The following DMD variants were observed in gnomAD, a reference collection of about 807,000 sequenced individuals.
DMD encodes the protein mutant dystrophin.
In DMD, 63 loss-of-function variants were observed where a neutral mutation model predicts 330.1. The observed-to-expected ratio is 0.19, with a 90% CI of 0.16 to 0.24. DMD has a LOEUF of 0.24. Ranked by LOEUF, DMD falls within the 10% of genes least tolerant of loss-of-function variation. The pLI is 1.00. For synonymous variants in DMD, 1,223 were observed against 959.8 expected (o/e 1.27, Z -5.07); for missense variants, 3,344 against 2,684.1 (o/e 1.25, Z -5.43).
intron 55 of DMD, among the ~76,000 whole-genome samples, chrX:31,603,813 G>A (rs2077483736): frequency 9.0e-6 from 1 of 111,716 alleles, no homozygotes; most frequent in South Asian, 3.7e-4. Flanking sequence ...CATATCTACA[G>A]GTTCCCTCCT....
chrX:33,083,439 G>A (rs1252462648), intron 1 of DMD, among the ~76,000 whole-genome samples: 1 of 111,626 alleles, frequency 9.0e-6, no homozygotes, highest in Non-Finnish European at 1.9e-5. Flanking sequence ...ACCAGGTGGG[G>A]ACGGATGACC....
intron 7 of DMD, among the ~76,000 whole-genome samples, chrX:32,722,523 G>A (rs1434335655): frequency 9.1e-6 from 1 of 110,061 alleles, no homozygotes; most frequent in African/African-American, 3.3e-5. Context: ...GGATACCAAG[G>A]GACAGCTATA....
chrX:33,272,947 G>A (rs1408263333), intron 1 of DMD, among the ~76,000 whole-genome samples: 3 of 111,840 alleles, frequency 2.7e-5, no homozygotes, highest in Admixed American at 1.9e-4. Flanking sequence ...CACCATGAGG[G>A]TAAAAATAGT....
intron 47 of DMD, among the ~76,000 whole-genome samples, chrX:31,908,606 T>C (rs1037161472): frequency 4.4e-4 from 48 of 109,107 alleles, no homozygotes; most frequent in Non-Finnish European, 3.6e-4. Context: ...TTAGGAGAAA[T>C]AGCTAATGTA....
chrX:32,801,160 A>T (rs1825296303), intron 7 of DMD, among the ~76,000 whole-genome samples: 1 of 111,113 alleles, frequency 9.0e-6, no homozygotes, highest in South Asian at 3.8e-4. Context: ...AATCATTCCT[A>T]TTTCTCCATA....
chrX:33,226,476 C>T (rs1203769896), intron 1 of DMD, among the ~76,000 whole-genome samples: 1 of 111,448 alleles, frequency 9.0e-6, no homozygotes, highest in Non-Finnish European at 1.9e-5. Context: ...TAAATAGCTA[C>T]ATAATACAGG....
chrX:33,194,270 C>T (rs1331745905), intron 1 of DMD, among the ~76,000 whole-genome samples: 4 of 110,134 alleles, frequency 3.6e-5, no homozygotes, highest in Admixed American at 9.9e-5. Context: ...ATATTTTCAA[C>T]TTTCAAAATT....
chrX:31,390,193 C>A (rs1409568916), intron 60 of DMD, among the ~76,000 whole-genome samples: 2 of 109,003 alleles, frequency 1.8e-5, no homozygotes, highest in Non-Finnish European at 3.8e-5. Context: ...CACATTTATT[C>A]ACATCCTTGA....
intron 29 of DMD, among the ~76,000 whole-genome samples, chrX:32,416,698 G>C (rs1434821449): frequency 1.8e-5 from 2 of 111,852 alleles, no homozygotes; most frequent in Non-Finnish European, 3.8e-5. Flanking sequence ...TATAGAAAGT[G>C]TCTTGGGATA....
chrX:32,321,262 T>C (rs2097612881), intron 41 of DMD, among the ~76,000 whole-genome samples: 1 of 110,776 alleles, frequency 9.0e-6, no homozygotes, highest in African/African-American at 3.3e-5. Flanking sequence ...GTCAAGATAA[T>C]CACAACTAAC....
intron 1 of DMD, among the ~76,000 whole-genome samples, chrX:33,029,984 A>G (rs765557391): frequency 4.9e-4 from 55 of 111,420 alleles, no homozygotes; most frequent in Non-Finnish European, 1.1e-4. Flanking sequence ...AAATAACCTG[A>G]GTTCCAACTC....
intron 44 of DMD, among the ~76,000 whole-genome samples, chrX:32,058,038 A>G: frequency 9.0e-6 from 1 of 111,463 alleles, no homozygotes; most frequent in East Asian, 2.8e-4. Flanking sequence ...CAAAGAATGG[A>G]ATTGGACCTT....
intron 44 of DMD, among the ~76,000 whole-genome samples, chrX:32,100,993 C>T (rs775217419): frequency 6.3e-5 from 7 of 111,599 alleles, no homozygotes; most frequent in African/African-American, 9.8e-5. Flanking sequence ...TCTATGCCTA[C>T]GAGTTGATGT....
In DMD at chrX:31,134,169, G is replaced by T; in HGVS notation, c.10947C>A (p.Pro3649=). 8.3e-7 allele frequency: 1 copy of T among 1,210,340 alleles called. No individual in the cohort carries two copies. The highest frequency in any genetic ancestry group is 1.1e-6 in the Non-Finnish European group (1 of 894,735). ...SMGEEDLLSP[P]QDTSTGLEEV... ...CCTCTAACCCTGTGCTTGTGTCCTG[G>T]GGAGGACTGAGAAGATCTTCCTCAC... Residue 3649 remains proline (P), a synonymous_variant, in exon 77 of 79, where the codon CCC becomes CCA. Coordinates refer to ENST00000357033, the MANE Select transcript of DMD (RefSeq NM_004006.3).
intron 13 of DMD, among the ~76,000 whole-genome samples, chrX:32,588,224 CATTAAT>C (rs2054504166): frequency 8.9e-6 from 1 of 112,078 alleles, no homozygotes; most frequent in Non-Finnish European, 1.9e-5. Flanking sequence ...GAGTAAAGCA[CATTAAT>C]ATTAACTGCA....
chrX:31,758,532 TTC>T (rs750775079), intron 51 of DMD, among the ~76,000 whole-genome samples: 15 of 110,043 alleles, frequency 1.4e-4, no homozygotes, highest in South Asian at 3.8e-4. Flanking sequence ...TGAAACATGT[TTC>T]TCTCTCTCTC....
At chrX:32,039,099 T>A (rs1234102788) in intron 44 of DMD, among the ~76,000 whole-genome samples, 8 of 111,341 alleles carry the variant, frequency 7.2e-5, no homozygotes, top group Non-Finnish European at 1.3e-4. Flanking sequence ...CCTTACAGGG[T>A]GAATAATGGC....
chrX:32,039,984 T>C (rs1214781293), intron 44 of DMD, among the ~76,000 whole-genome samples: 1 of 112,217 alleles, frequency 8.9e-6, no homozygotes, highest in Non-Finnish European at 1.9e-5. Flanking sequence ...TAAATATATA[T>C]TCACAGACAT....
At chrX:32,935,717 G>A (rs1412989220) in intron 2 of DMD, among the ~76,000 whole-genome samples, 1 of 110,613 alleles carries the variant, frequency 9.0e-6, no homozygotes, top group Non-Finnish European at 1.9e-5. Flanking sequence ...TAAGAGTAGA[G>A]TACAGAAAAT....
Sources: gnomAD v4.1 joint callset for allele counts (sites outside exome capture counted in the v4.1 genomes callset) on GRCh38, gnomAD v4.1.1 for gene constraint, MANE v1.5 for transcripts, NCBI Gene and HGNC (gene_info 2026-07-23, HGNC 2026-07-21) for gene names.